Variants in CSMD1 observed in about 807,000 individuals in gnomAD.
The protein encoded by CSMD1 is CUB and sushi domain-containing protein 1.
Under a neutral mutation model 417.5 loss-of-function variants are expected in CSMD1, and 213 were observed. The ratio of observed to expected loss-of-function variants is 0.51; its 90% CI spans 0.46 to 0.57. CSMD1 has a LOEUF of 0.57. Among genes scored for constraint, CSMD1 ranks in the 20% least tolerant of loss-of-function variants. The pLI is 0.00. For missense variants in CSMD1, 6,923 were observed against 4,529.7 expected, an observed-to-expected ratio of 1.53 and a Z score of -15.17; for synonymous variants, 2,862 against 1,736.8, an observed-to-expected ratio of 1.65 and a Z score of -16.11.
chr8:4,718,508 T>C (rs997096200), intron 1 of CSMD1, among the ~76,000 whole-genome samples: 1 of 151,984 alleles, frequency 6.6e-6, no homozygotes, highest in African/African-American at 2.4e-5. Flanking sequence ...ATTCCCGCTG[T>C]CAATTAATAT....
intron 42 of CSMD1, among the ~76,000 whole-genome samples, chr8:3,112,393 C>G (rs558842620): frequency 6.6e-6 from 1 of 152,104 alleles, no homozygotes; most frequent in Admixed American, 6.5e-5. Context: ...AGCACCCTTC[C>G]TGTTGGGAAA....
intron 35 of CSMD1, 52 bp from the exon 36 acceptor site, chr8:3,188,017 G>C (rs1290299579): frequency 1.4e-6 from 2 of 1,442,104 alleles, no homozygotes; most frequent in Non-Finnish European, 1.9e-6. Context: ...AACACAATTA[G>C]TCTAATTAGA....
chr8:4,353,186 G>A (rs1801198462), intron 3 of CSMD1, among the ~76,000 whole-genome samples: 1 of 152,180 alleles, frequency 6.6e-6, no homozygotes, highest in African/African-American at 2.4e-5. Flanking sequence ...ATCCCCACGT[G>A]TCAAGTGTGG....
At chr8:3,164,078 T>G (rs1820063756) in intron 37 of CSMD1, among the ~76,000 whole-genome samples, 1 of 152,158 alleles carries the variant, frequency 6.6e-6, no homozygotes, top group Admixed American at 6.5e-5. Flanking sequence ...CTTCACCAGC[T>G]TGCCGAGTGT....
chr8:4,980,933 C>G (rs760453999), intron 1 of CSMD1, among the ~76,000 whole-genome samples: 16 of 151,990 alleles, frequency 1.1e-4, no homozygotes, highest in Non-Finnish European at 2.1e-4. Flanking sequence ...TCTATCTGTA[C>G]TTTGCCCAGC....
intron 5 of CSMD1, among the ~76,000 whole-genome samples, chr8:3,818,661 A>G (rs1801536101): frequency 6.6e-6 from 1 of 152,206 alleles, no homozygotes; most frequent in African/African-American, 2.4e-5. Context: ...TCGTCTGATG[A>G]CAGCAATGAT....
At chr8:3,645,556 G>C (rs1006987611) in intron 7 of CSMD1, among the ~76,000 whole-genome samples, 2 of 152,190 alleles carry the variant, frequency 1.3e-5, no homozygotes, top group African/African-American at 4.8e-5. Flanking sequence ...AGAGATCATG[G>C]GAAGTGTCAG....
chr8:4,573,141 T>C (rs527552633), intron 2 of CSMD1, among the ~76,000 whole-genome samples: 3 of 152,306 alleles, frequency 2.0e-5, no homozygotes, highest in East Asian at 3.9e-4. Flanking sequence ...ACGCATTCCC[T>C]GTCCCGTTGT....
chr8:3,833,246 A>C (rs1325439579), intron 5 of CSMD1, among the ~76,000 whole-genome samples: 1 of 152,120 alleles, frequency 6.6e-6, no homozygotes, highest in Non-Finnish European at 1.5e-5. Flanking sequence ...CATATTACAC[A>C]TGTTGATAAT....
intron 37 of CSMD1, among the ~76,000 whole-genome samples, chr8:3,164,453 C>G (rs1451819214): frequency 6.6e-6 from 1 of 152,122 alleles, no homozygotes; most frequent in African/African-American, 2.4e-5. Flanking sequence ...TATATACAAT[C>G]ACTTAGGCCT....
rs563881121 is a variant in CSMD1, at chr8:4,724,387, C to T, written c.86-86829G>A. ...TAAGATTTTCTAGTTTTCTTATAAC[C>T]CATGTGGCATACCATAAAGTAAAAT... On this transcript the variant is annotated intron_variant, in intron 1 of 69. Coordinates refer to ENST00000635120, the MANE Select transcript of CSMD1 (RefSeq NM_033225.6). 2.6e-5 allele frequency among the ~76,000 whole-genome samples: 4 copies of T among 151,892 alleles called. No individual in the cohort carries two copies. In the South Asian group the frequency reaches 6.3e-4, roughly 24 times the overall value.
rs114892449 is a variant in CSMD1, at chr8:2,985,293, C to G, written c.8378-6493G>C. ...CTGCCTAGTTCAGGAACACGCAAAA[C>G]ACATGATATTTCCACATGTAAGTGA... On this transcript the variant is annotated intron_variant, in intron 54 of 69. Transcript: ENST00000635120. 6.0e-3 allele frequency among the ~76,000 whole-genome samples: 913 copies of G among 152,298 alleles called. 7 individuals are homozygous for G. Among genetic ancestry groups the G allele is most frequent in the African/African-American group, 0.021 (878 of 41,548 alleles).
chr8:3,554,917 G>C (rs898262313), intron 10 of CSMD1, among the ~76,000 whole-genome samples: 1 of 152,088 alleles, frequency 6.6e-6, no homozygotes, highest in African/African-American at 2.4e-5. Context: ...AACCTGGCAA[G>C]CAGCCACACA....
At chr8:4,021,468 A>C (rs962092644) in intron 4 of CSMD1, among the ~76,000 whole-genome samples, 3 of 152,276 alleles carry the variant, frequency 2.0e-5, no homozygotes, top group Non-Finnish European at 4.4e-5. Flanking sequence ...TTTGTTGGTT[A>C]AGCGTGTGGC....
intron 50 of CSMD1, among the ~76,000 whole-genome samples, chr8:3,034,215 A>C (rs1484190): frequency 6.6e-6 from 1 of 152,068 alleles, no homozygotes; most frequent in Non-Finnish European, 1.5e-5. Flanking sequence ...GGAATGAAGA[A>C]AAAGATTTGA....
intron 7 of CSMD1, among the ~76,000 whole-genome samples, chr8:3,654,869 G>C (rs1798026296): frequency 6.6e-6 from 1 of 152,124 alleles, no homozygotes; most frequent in African/African-American, 2.4e-5. Context: ...GGACCTGCCA[G>C]CTCTGCAACA....
chr8:4,054,204 T>C (rs1048915372), intron 3 of CSMD1, among the ~76,000 whole-genome samples: 2 of 152,158 alleles, frequency 1.3e-5, no homozygotes, highest in Admixed American at 6.5e-5. Flanking sequence ...TGAGAAGAAA[T>C]GATTTGGCGC....
chr8:4,076,191 C>G (rs1799813601), intron 3 of CSMD1, among the ~76,000 whole-genome samples: 1 of 152,122 alleles, frequency 6.6e-6, no homozygotes. Context: ...TGAGTGAGTT[C>G]TCACAAGATC....
intron 1 of CSMD1, among the ~76,000 whole-genome samples, chr8:4,959,088 G>A (rs1013153450): frequency 3.9e-5 from 6 of 152,130 alleles, no homozygotes; most frequent in Non-Finnish European, 2.9e-5. Flanking sequence ...GAGGGAAATA[G>A]TTTAGTCTAT....
Sources: allele counts gnomAD v4.1 joint callset (sites outside exome capture counted in the v4.1 genomes callset), GRCh38; gene constraint gnomAD v4.1.1; transcripts MANE v1.5; gene names NCBI Gene and HGNC (gene_info 2026-07-23, HGNC 2026-07-21).